The following IGF1R variants were observed in gnomAD, a reference collection of about 807,000 sequenced individuals.
The protein encoded by IGF1R is insulin-like growth factor 1 receptor.
In IGF1R, 44 loss-of-function variants were observed where a neutral mutation model predicts 144.6. The observed-to-expected ratio is 0.30, with a 90% CI of 0.24 to 0.39. IGF1R has a LOEUF of 0.39. Among genes scored for constraint, IGF1R ranks in the 10% least tolerant of loss-of-function variants. IGF1R has a pLI of 1.00. For missense variants in IGF1R, 1,355 were observed against 1,833.7 expected (o/e 0.74, Z 4.77); for synonymous variants, 795 against 722.8 (o/e 1.10, Z -1.60).
At chr15:98,863,932 A>G (rs1171581798) in intron 2 of IGF1R, among the ~76,000 whole-genome samples, 2 of 152,206 alleles carry the variant, frequency 1.3e-5, no homozygotes, top group Non-Finnish European at 2.9e-5. Context: ...GCTGTAATTA[A>G]AAGAAGTGTT....
At chr15:98,861,336 C>T (rs1180351919) in intron 2 of IGF1R, among the ~76,000 whole-genome samples, 2 of 152,164 alleles carry the variant, frequency 1.3e-5, no homozygotes, top group South Asian at 2.1e-4. Context: ...GGTCTTCTCC[C>T]CTCCTACTAT....
At chr15:98,895,153 C>T (rs2014119407) in intron 3 of IGF1R, among the ~76,000 whole-genome samples, 1 of 151,316 alleles carries the variant, frequency 6.6e-6, no homozygotes, top group South Asian at 2.1e-4. Context: ...TTGGTGGTGA[C>T]GGAACAGTTC....
chr15:98,899,389 A>G, intron 4 of IGF1R, 88 bp from the exon 5 acceptor site: 1 of 1,393,930 alleles, frequency 7.2e-7, no homozygotes, highest in Non-Finnish European at 1.0e-6. Context: ...CCTGCCGTTG[A>G]ATTGTTCTCA....
chr15:98,929,031 T>A (rs1383451719), intron 13 of IGF1R, among the ~76,000 whole-genome samples: 1 of 152,186 alleles, frequency 6.6e-6, no homozygotes, highest in Non-Finnish European at 1.5e-5. Context: ...ATTCATTTTA[T>A]GAAAATGAAT....
chr15:98,812,319 CCATTGTATTATTTTTA>C (rs2056608541), intron 2 of IGF1R, among the ~76,000 whole-genome samples: 1 of 151,860 alleles, frequency 6.6e-6, no homozygotes, highest in South Asian at 2.1e-4. Context: ...AGCTGTGTCA[CCATTGTATTATTTTTA>C]CATTGTTGTT....
At chr15:98,760,952 G>A (rs764735700) in intron 2 of IGF1R, among the ~76,000 whole-genome samples, 9 of 152,270 alleles carry the variant, frequency 5.9e-5, no homozygotes, top group Admixed American at 1.3e-4. Context: ...ATTTCAAAGT[G>A]ACATATATAC....
rs1225630565 is a variant in IGF1R at position 98,933,821 on chromosome 15, G to C, written c.2957-1003G>C. ...CTGCCTAATTGCCTGTCCACGCTGGGCACCACCGGGTCTCTCCCTCAGTCT... is the reference window on the plus strand; with the variant it reads ...CTGCCTAATTGCCTGTCCACGCTGGCCACCACCGGGTCTCTCCCTCAGTCT... On this transcript the variant is annotated intron_variant, in intron 15 of 20. Coordinates refer to ENST00000650285, the MANE Select transcript of IGF1R (RefSeq NM_000875.5). Among the ~76,000 whole-genome samples the C allele has an allele frequency of 2.6e-5, 4 of 152,020 alleles. No homozygotes were observed. The East Asian group carries it at 5.8e-4, about 22-fold the overall frequency.
At chr15:98,653,887 T>C (rs1473906554) in intron 1 of IGF1R, among the ~76,000 whole-genome samples, 1 of 152,216 alleles carries the variant, frequency 6.6e-6, no homozygotes, top group Non-Finnish European at 1.5e-5. Flanking sequence ...GTGGTTTCCT[T>C]TTAAATCTGG....
In IGF1R at chr15:98,936,328, G is replaced by A. The variant is rs149864248; in HGVS notation, c.3297+902G>A. Among the ~76,000 whole-genome samples, 391 of 152,284 alleles carry A rather than the reference G, an allele frequency of 2.6e-3. 3 individuals carry two copies. Among genetic ancestry groups the A allele is most frequent in the African/African-American group, 8.9e-3 (371 of 41,546 alleles). On this transcript the variant is annotated intron_variant, in intron 17 of 20. Transcript: ENST00000650285. ...ATGCAATTTTTCATTAAAAGTCACC[G>A]TGGTGTCTCCCCCCTCTGTAGTATT...
At chr15:98,740,115 C>T (rs1349733131) in intron 2 of IGF1R, among the ~76,000 whole-genome samples, 1 of 152,214 alleles carries the variant, frequency 6.6e-6, no homozygotes, top group African/African-American at 2.4e-5. Context: ...ATACTATAAT[C>T]CATTATTTAC....
chr15:98,874,010 A>G (rs1319811313), intron 2 of IGF1R, among the ~76,000 whole-genome samples: 1 of 152,168 alleles, frequency 6.6e-6, no homozygotes, highest in African/African-American at 2.4e-5. Context: ...GACTGAGCTT[A>G]TTAAGAGCCC....
chr15:98,904,608 CTT>C (rs2014642030), intron 5 of IGF1R, among the ~76,000 whole-genome samples: 3 of 152,066 alleles, frequency 2.0e-5, no homozygotes, highest in Admixed American at 6.5e-5. Flanking sequence ...GCCAAATACT[CTT>C]ATCAGTTGCA....
At chr15:98,698,539 G>A (rs953993377) in intron 1 of IGF1R, among the ~76,000 whole-genome samples, 34 of 152,338 alleles carry the variant, frequency 2.2e-4, no homozygotes, top group African/African-American at 7.0e-4. Flanking sequence ...AGCAGAATCC[G>A]CAGGATTTCT....
At chr15:98,755,919 G>A (rs2055144205) in intron 2 of IGF1R, among the ~76,000 whole-genome samples, 1 of 152,032 alleles carries the variant, frequency 6.6e-6, no homozygotes. Flanking sequence ...TTTTTGGCAT[G>A]ATATAATTGT....
chr15:98,777,608 A>G (rs1168896969), intron 2 of IGF1R, among the ~76,000 whole-genome samples: 1 of 152,236 alleles, frequency 6.6e-6, no homozygotes, highest in African/African-American at 2.4e-5. Context: ...CTGCCGGGGA[A>G]TGACCCCTGT....
intron 2 of IGF1R, among the ~76,000 whole-genome samples, chr15:98,852,527 A>T (rs994352965): frequency 6.6e-6 from 1 of 152,188 alleles, no homozygotes; most frequent in Non-Finnish European, 1.5e-5. Context: ...TCCCGCAAGG[A>T]TGCAGCAGGA....
At chr15:98,854,708 A>G (rs1283622839) in intron 2 of IGF1R, among the ~76,000 whole-genome samples, 1 of 152,152 alleles carries the variant, frequency 6.6e-6, no homozygotes, top group Non-Finnish European at 1.5e-5. Flanking sequence ...CTGGGAGCCA[A>G]GAGGATTTCT....
chr15:98,901,962 A>G (rs1158496506), intron 5 of IGF1R, among the ~76,000 whole-genome samples: 3 of 152,248 alleles, frequency 2.0e-5, no homozygotes, highest in East Asian at 1.9e-4. Context: ...ATAAAGGGTT[A>G]TAATTTAGGA....
rs182040934 is a variant in IGF1R, at chr15:98,952,638, C to G, written c.3722+3930C>G. On this transcript the variant is annotated intron_variant, in intron 20 of 20. Coordinates refer to ENST00000650285, the MANE Select transcript of IGF1R (RefSeq NM_000875.5). The stretch of plus-strand genomic sequence containing the variant: ...CTCTTTGACTCGGGTAAACGTTTAT[C>G]TACAAGAGACTTGTGGGATTCTTAC... Among the ~76,000 whole-genome samples, 342 of 152,228 alleles carry G rather than the reference C, an allele frequency of 2.2e-3. 1 individual carries two copies. The highest frequency in any genetic ancestry group is 4.0e-3 in the Non-Finnish European group (272 of 68,002).
Sources: allele counts gnomAD v4.1 joint callset (sites outside exome capture counted in the v4.1 genomes callset), GRCh38; gene constraint gnomAD v4.1.1; transcripts MANE v1.5; gene names NCBI Gene and HGNC (gene_info 2026-07-23, HGNC 2026-07-21).